Variants in AJUBA observed in about 807,000 individuals in gnomAD.
AJUBA encodes the protein LIM domain-containing protein ajuba.
AJUBA carries 20 observed loss-of-function variants against 53.3 expected under a neutral mutation model. That is an observed-to-expected ratio of 0.38 (90% CI 0.26 to 0.55). AJUBA has a LOEUF of 0.55. Ranked by LOEUF, AJUBA falls within the 20% of genes least tolerant of loss-of-function variation. The probability of loss-of-function intolerance (pLI) is 0.80; values close to 1 mark genes in which losing one functional copy is unlikely to be tolerated. For synonymous variants in AJUBA, 296 were observed against 306.2 expected (o/e 0.97, Z 0.35); for missense variants, 580 against 730.5 (o/e 0.79, Z 2.38).
chr14:22,979,074 C>G lies in AJUBA; in HGVS notation c.1007-629G>C. On this transcript the variant is annotated intron_variant, in intron 1 of 7. Transcript: ENST00000262713. This position sits in a 1 kb window ranked among gnomAD's most constrained non-coding sequence, Gnocchi z 4.0. Reference sequence around the variant, plus strand: ...GGCTGCTGAGAATGCAGGGTGTGTTCCAGGAACCAGGGTTGAACAGGAAAG... The same window carrying G: ...GGCTGCTGAGAATGCAGGGTGTGTTGCAGGAACCAGGGTTGAACAGGAAAG... The G allele has an allele frequency of 7.8e-7, 1 of 1,287,672 alleles. No individual in the cohort carries two copies. The highest frequency in any genetic ancestry group is 1.0e-6 in the Non-Finnish European group (1 of 988,206). The allele number at this position is 1,287,672 out of a possible 1,614,324, so 79.8% of individuals were successfully genotyped here.
At position 22,975,116 on chromosome 14, in the gene AJUBA, G is replaced by A. The variant is rs2045022763; in HGVS notation, c.1240-12C>T. 6.2e-7 allele frequency: 1 copy of A among 1,605,366 alleles called. No homozygotes were observed. ...ATTGCTTGTAGGATCTGGCTCATGGGGTAGCAAGAGAATCAGTCTCCCTCC... is the reference window on the plus strand; with the variant it reads ...ATTGCTTGTAGGATCTGGCTCATGGAGTAGCAAGAGAATCAGTCTCCCTCC... On this transcript the variant is annotated splice_polypyrimidine_tract_variant and intron_variant, in intron 4 of 7. Transcript: ENST00000262713.
intron 6 of AJUBA, 57 bp downstream of exon 6, chr14:22,974,782 C>A: frequency 6.4e-7 from 1 of 1,563,500 alleles, no homozygotes; most frequent in Non-Finnish European, 8.7e-7. Flanking sequence ...ATGTCCCTAT[C>A]CCCTCCCCAA....
intron 2 of AJUBA, among the ~76,000 whole-genome samples, chr14:22,977,998 G>C (rs1004977082): frequency 6.8e-6 from 1 of 146,854 alleles, no homozygotes; most frequent in Non-Finnish European, 1.5e-5. Flanking sequence ...TTTCACTGTC[G>C]CCCCAGGCAA....
rs1201582665 is a variant in AJUBA, at chr14:22,976,721, A to G, written c.1109-9T>C. 7 of 1,613,796 alleles carry G rather than the reference A, an allele frequency of 4.3e-6. No individual in the cohort carries two copies. The highest frequency in any genetic ancestry group is 5.9e-6 in the Non-Finnish European group (7 of 1,179,934). On this transcript the variant is annotated splice_polypyrimidine_tract_variant and intron_variant, in intron 2 of 7. Transcript: ENST00000262713. ...GCAACGCAAAGTTCGCCCTAGAAAC[A>G]ATAGAGAAGGGGCTGGAACCTATCC...
Position 22,979,482 on chromosome 14 carries a change from C to G in AJUBA, c.1007-1037G>C, listed in dbSNP as rs1594566230. Among the ~76,000 whole-genome samples the G allele has an allele frequency of 6.6e-6, 1 of 152,218 alleles. No homozygotes were observed. Among genetic ancestry groups the G allele is most frequent in the East Asian group, 1.9e-4 (1 of 5,184 alleles). ...CTCTGGCAGCTGGGCAAGGCTGAAG[C>G]CAAGGAAGAGGGCCCCTACTAGGGG... On this transcript the variant is annotated intron_variant, in intron 1 of 7. Coordinates refer to ENST00000262713, the MANE Select transcript of AJUBA (RefSeq NM_032876.6). The surrounding 1 kb of genome is among the most constrained non-coding windows in gnomAD (Gnocchi z 4.0).
At chr14:22,974,159 C>T (rs754427361) in intron 6 of AJUBA, 44 bp from the exon 7 acceptor site, 2 of 1,604,308 alleles carry the variant, frequency 1.2e-6, no homozygotes, top group East Asian at 2.2e-5. Flanking sequence ...AGCATGTTGC[C>T]TCACCTCCAC....
At position 22,972,059 on chromosome 14, in the gene AJUBA, C is replaced by T. The variant is rs1435865047; in HGVS notation, c.*1384G>A. ...AATAGGACACCTAAATGGATATAAA[C>T]ACACCAAAATAGGAATTGAGCTTTT... On this transcript the variant is annotated 3_prime_UTR_variant, in exon 8 of 8. Coordinates refer to ENST00000262713, the MANE Select transcript of AJUBA (RefSeq NM_032876.6). The T allele has an allele frequency of 1.3e-5, 2 of 152,576 alleles. No homozygotes were observed. The highest frequency in any genetic ancestry group is 4.8e-5 in the African/African-American group (2 of 41,428). The allele number at this position is 152,576 out of a possible 1,614,324, so 9.5% of individuals were successfully genotyped here.
Position 22,981,502 on chromosome 14 carries a change from C to A in AJUBA, c.765G>T (p.Arg255=), listed in dbSNP as rs372817934. ...GVGAAGPLER[R]GAQPGRHSVT... ...CAGAGTGTCGTCCGGGTTGCGCCCCCCGTCTCTCCAAGGGCCCCGCCGCTC... is the reference window on the plus strand; with the variant it reads ...CAGAGTGTCGTCCGGGTTGCGCCCCACGTCTCTCCAAGGGCCCCGCCGCTC... The change falls in exon 1 of 8, where the codon CGG becomes CGT. Residue 255 remains arginine, a synonymous_variant. Transcript: ENST00000262713. The A allele has an allele frequency of 1.1e-4, 173 of 1,591,468 alleles. No homozygotes were observed. In the African/African-American group the frequency reaches 2.1e-3, roughly 19 times the overall value.
At position 22,979,117 on chromosome 14, in the gene AJUBA, C is replaced by T; in HGVS notation, c.1007-672G>A. On this transcript the variant is annotated intron_variant, in intron 1 of 7. Transcript: ENST00000262713. This position sits in a 1 kb window ranked among gnomAD's most constrained non-coding sequence, Gnocchi z 4.0. ...CAGGAAAGCAGGGAGAGTAGCAGAG[C>T]CCCTGATGCCTCCTAGTCACCTTCT... is the stretch of plus-strand genomic sequence containing the variant. The T allele has an allele frequency of 8.7e-6, 11 of 1,266,368 alleles. No homozygotes were observed. The highest frequency in any genetic ancestry group is 1.1e-5 in the Non-Finnish European group (11 of 978,618). The allele number at this position is 1,266,368 out of a possible 1,614,324, so 78.4% of individuals were successfully genotyped here. A position where few individuals can be genotyped will look rare whatever the true frequency, so the allele number is the denominator to read the frequency against.
chr14:22,973,229 A>T lies in AJUBA; in HGVS notation c.*214T>A. On this transcript the variant is annotated 3_prime_UTR_variant, in exon 8 of 8. Coordinates refer to ENST00000262713, the MANE Select transcript of AJUBA (RefSeq NM_032876.6). The stretch of plus-strand genomic sequence containing the variant: ...AAGCTCAGACTGCACACATGGGAAA[A>T]AGGCCAGTCGCCCCCACCCTGGTAA... 1 of 691,836 alleles carries T rather than the reference A, an allele frequency of 1.4e-6. No individual in the cohort carries two copies. Among genetic ancestry groups the T allele is most frequent in the Non-Finnish European group, 2.3e-6 (1 of 429,204 alleles). 42.9% of individuals were successfully genotyped at this position (691,836 alleles called of 1,614,324 possible).
At position 22,982,355 on chromosome 14, in the gene AJUBA, T is replaced by C. The variant is rs1366498959; in HGVS notation, c.-89A>G. 11 of 1,561,722 alleles carry C rather than the reference T, an allele frequency of 7.0e-6. No homozygotes were observed. Among genetic ancestry groups the C allele is most frequent in the Admixed American group, 3.7e-5 (2 of 53,510 alleles). On this transcript the variant is annotated 5_prime_UTR_variant, in exon 1 of 8. Transcript: ENST00000262713. ...GTTCTCTTTCCCTGCAGCCGGACTCTGGTTCCCCAGGGGCACAGGGGAGGC... is the reference window on the plus strand; with the variant it reads ...GTTCTCTTTCCCTGCAGCCGGACTCCGGTTCCCCAGGGGCACAGGGGAGGC...
At chr14:22,974,187 C>T in intron 6 of AJUBA, 72 bp from the exon 7 acceptor site, 4 of 1,489,360 alleles carry the variant, frequency 2.7e-6, no homozygotes, top group South Asian at 1.1e-5. Context: ...TCATATACAA[C>T]CCTTCCCACC....
chr14:22,982,394 G>A lies in AJUBA; in HGVS notation c.-128C>T. 6 of 1,477,958 alleles carry A rather than the reference G, an allele frequency of 4.1e-6. No homozygotes were observed. In the South Asian group the frequency reaches 4.1e-5, roughly 10 times the overall value. 91.6% of individuals were successfully genotyped at this position (1,477,958 alleles called of 1,614,324 possible). A position where few individuals can be genotyped will look rare whatever the true frequency, so the allele number is the denominator to read the frequency against. ...CACAGGGGAGGCACAGGGGCTTAGC[G>A]GGCGGCCTGGATGCCCTGCGCCAGG... On this transcript the variant is annotated 5_prime_UTR_variant, in exon 1 of 8. Coordinates refer to ENST00000262713, the MANE Select transcript of AJUBA (RefSeq NM_032876.6).
intron 6 of AJUBA, chr14:22,974,551 T>G: frequency 2.1e-6 from 1 of 466,586 alleles, no homozygotes; most frequent in Non-Finnish European, 3.9e-6. Flanking sequence ...TCCCACCTTT[T>G]TCCAGCCCCT....
intron 6 of AJUBA, 66 bp from the exon 7 acceptor site, chr14:22,974,181 A>G: frequency 6.5e-7 from 1 of 1,541,322 alleles, no homozygotes; most frequent in Non-Finnish European, 9.0e-7. Context: ...TTTCCCTCAT[A>G]TACAACCCTT....
chr14:22,982,330 G>T lies in AJUBA; in HGVS notation c.-64C>A, dbSNP rs958917082. The stretch of plus-strand genomic sequence containing the variant: ...GCACCCTGCGGCGTCTCGGCGGCCG[G>T]TTCTCTTTCCCTGCAGCCGGACTCT... On this transcript the variant is annotated 5_prime_UTR_variant, in exon 1 of 8. Coordinates refer to ENST00000262713, the MANE Select transcript of AJUBA (RefSeq NM_032876.6). The T allele has an allele frequency of 1.3e-4, 214 of 1,586,838 alleles. 2 individuals carry two copies. In the Admixed American group the frequency reaches 3.7e-3, roughly 27 times the overall value.
In AJUBA at chr14:22,979,677, C is replaced by T. The variant is rs2045069642; in HGVS notation, c.1007-1232G>A. Reference sequence around the variant, plus strand: ...CCCAAGATTGCCATGCCAGGGGGTCCTGTCGGAGCCATTCTTTAGGAAACC... The same window carrying T: ...CCCAAGATTGCCATGCCAGGGGGTCTTGTCGGAGCCATTCTTTAGGAAACC... On this transcript the variant is annotated intron_variant, in intron 1 of 7. Transcript: ENST00000262713. This position sits in a 1 kb window ranked among gnomAD's most constrained non-coding sequence, Gnocchi z 4.0. Among the ~76,000 whole-genome samples the T allele has an allele frequency of 6.6e-6, 1 of 152,232 alleles. No homozygotes were observed. The highest frequency in any genetic ancestry group is 2.1e-4 in the South Asian group (1 of 4,838).
At chr14:22,980,767 C>T (rs1200184027) in intron 1 of AJUBA, 9 of 835,536 alleles carry the variant, frequency 1.1e-5, no homozygotes, top group African/African-American at 1.8e-5. Flanking sequence ...CCGCCCCGCC[C>T]GCGGGCACCT....
At position 22,982,433 on chromosome 14, in the gene AJUBA, C is replaced by A; in HGVS notation, c.-167G>T. The A allele has an allele frequency of 2.1e-6, 3 of 1,436,292 alleles. No homozygotes were observed. The highest frequency in any genetic ancestry group is 2.7e-6 in the Non-Finnish European group (3 of 1,103,418). 89.0% of individuals were successfully genotyped at this position (1,436,292 alleles called of 1,614,324 possible). A position where few individuals can be genotyped will look rare whatever the true frequency, so the allele number is the denominator to read the frequency against. On this transcript the variant is annotated 5_prime_UTR_variant, in exon 1 of 8. Transcript: ENST00000262713. ...CCCTGCGCCAGGAATCCCACAGCATCCCCCAGCGGGAGGGGCTGCGTCCCC... is the reference window on the plus strand; with the variant it reads ...CCCTGCGCCAGGAATCCCACAGCATACCCCAGCGGGAGGGGCTGCGTCCCC...
Sources: allele counts gnomAD v4.1 joint callset (sites outside exome capture counted in the v4.1 genomes callset), GRCh38; gene constraint gnomAD v4.1.1; non-coding constraint Gnocchi (gnomAD v3.1); transcripts MANE v1.5; gene names NCBI Gene and HGNC (gene_info 2026-07-23, HGNC 2026-07-21).